FHIT: variants seen among roughly 807,000 people sequenced by gnomAD.
The protein encoded by FHIT is bis(5'-adenosyl)-triphosphatase.
A neutral mutation model predicts 17.9 loss-of-function variants in FHIT; 19 were observed. The ratio of observed to expected loss-of-function variants is 1.06; its 90% CI spans 0.74 to 1.56. FHIT has a LOEUF of 1.56. Among genes scored for constraint, FHIT ranks in the 40% most tolerant of loss-of-function variants. The probability of loss-of-function intolerance (pLI) is 0.00; values close to 1 mark genes in which losing one functional copy is unlikely to be tolerated. For synonymous variants in FHIT, 81 were observed against 69.7 expected (o/e 1.16, Z -0.81); for missense variants, 248 against 189.2 (o/e 1.31, Z -1.82).
At chr3:59,827,790 G>A (rs1330848771) in intron 8 of FHIT, among the ~76,000 whole-genome samples, 5 of 152,126 alleles carry the variant, frequency 3.3e-5, no homozygotes, top group Admixed American at 3.3e-4. Flanking sequence ...TGGTTGTGTA[G>A]GCACAAACAC....
chr3:61,129,558 G>A (rs1386278381), intron 2 of FHIT, among the ~76,000 whole-genome samples: 1 of 152,106 alleles, frequency 6.6e-6, no homozygotes, highest in East Asian at 1.9e-4. Context: ...ACACCCCAGG[G>A]ATCAATTTGG....
At chr3:60,494,977 G>T (rs1226550686) in intron 5 of FHIT, among the ~76,000 whole-genome samples, 1 of 152,054 alleles carries the variant, frequency 6.6e-6, no homozygotes, top group African/African-American at 2.4e-5. Flanking sequence ...ACTTCCTTTG[G>T]GTATATATCC....
In FHIT at chr3:59,752,307, G is replaced by C; in HGVS notation, c.363C>G (p.Asp121Glu). The change falls in exon 9 of 10, where the codon GAC (aspartate) becomes GAG (glutamate). Residue 121 changes from aspartate to glutamate, a missense_variant. Physicochemically the swap from Asp to Glu is conservative, Grantham distance 45 (BLOSUM62 2). Coordinates refer to ENST00000492590, the MANE Select transcript of FHIT (RefSeq NM_002012.4). Reference protein sequence around the residue: ...DSIYEELQKHDKEDFPASWRS... With the variant: ...DSIYEELQKHEKEDFPASWRS... ...TCCAAGAGGCAGGAAAGTCCTCCTT[G>C]TCATGTTTCTGGAGCTTTGGAGAAA... 6.2e-7 allele frequency: 1 copy of C among 1,611,472 alleles called. No individual in the cohort carries two copies. The highest frequency in any genetic ancestry group is 8.5e-7 in the Non-Finnish European group (1 of 1,179,056).
intron 2 of FHIT, among the ~76,000 whole-genome samples, chr3:61,079,215 G>A (rs1026784259): frequency 1.3e-5 from 2 of 152,266 alleles, no homozygotes; most frequent in Non-Finnish European, 2.9e-5. Flanking sequence ...GAGGCTGATG[G>A]CTGAGGCTTT....
intron 5 of FHIT, among the ~76,000 whole-genome samples, chr3:60,300,336 G>A (rs1708404902): frequency 6.6e-6 from 1 of 152,000 alleles, no homozygotes; most frequent in Admixed American, 6.6e-5. Flanking sequence ...ACCAAAAAAA[G>A]TGTAACTGAG....
chr3:60,141,622 G>A (rs1413385143), intron 5 of FHIT, among the ~76,000 whole-genome samples: 1 of 152,134 alleles, frequency 6.6e-6, no homozygotes, highest in Non-Finnish European at 1.5e-5. Context: ...TATTCACTGA[G>A]AATACTTATT....
chr3:60,189,176 T>C (rs1219093063), intron 5 of FHIT, among the ~76,000 whole-genome samples: 2 of 150,924 alleles, frequency 1.3e-5, no homozygotes, highest in African/African-American at 4.9e-5. Flanking sequence ...CTTTTTTCTC[T>C]GACAAGTCAA....
At chr3:59,847,636 G>T (rs908059118) in intron 8 of FHIT, among the ~76,000 whole-genome samples, 1 of 152,034 alleles carries the variant, frequency 6.6e-6, no homozygotes, top group East Asian at 1.9e-4. Flanking sequence ...ATACGTTCCT[G>T]TTGCTCTATA....
rs75802353 is a variant in FHIT at position 60,426,145 on chromosome 3, T to C, written c.103+110715A>G. 6.6e-4 allele frequency among the ~76,000 whole-genome samples: 101 copies of C among 152,288 alleles called. 1 individual carries two copies. Among genetic ancestry groups the C allele is most frequent in the African/African-American group, 2.2e-3 (93 of 41,568 alleles). ...CTCAACTCTACCACTTATAAGCTCA[T>C]TGACCTTGGACTAGTTATGAGTCTT... On this transcript the variant is annotated intron_variant, in intron 5 of 9. Coordinates refer to ENST00000492590, the MANE Select transcript of FHIT (RefSeq NM_002012.4).
At chr3:60,449,352 T>A (rs1461189589) in intron 5 of FHIT, among the ~76,000 whole-genome samples, 2 of 152,088 alleles carry the variant, frequency 1.3e-5, no homozygotes, top group African/African-American at 2.4e-5. Flanking sequence ...AAACTGAAGA[T>A]GATGATGATG....
At chr3:60,368,932 G>A (rs964212783) in intron 5 of FHIT, among the ~76,000 whole-genome samples, 1 of 151,510 alleles carries the variant, frequency 6.6e-6, no homozygotes, top group Non-Finnish European at 1.5e-5. Context: ...CTAGTTGGCT[G>A]TTAACTCCAT....
intron 4 of FHIT, among the ~76,000 whole-genome samples, chr3:60,539,944 A>AAT (rs911093759): frequency 6.7e-5 from 10 of 150,064 alleles, no homozygotes; most frequent in South Asian, 2.1e-4. Context: ...GTATAATAAA[A>AAT]ATATATATAT....
At chr3:61,189,818 A>G (rs1191673627) in intron 2 of FHIT, among the ~76,000 whole-genome samples, 43 of 152,262 alleles carry the variant, frequency 2.8e-4, no homozygotes, top group Non-Finnish European at 5.9e-4. Context: ...AACCTGAGAA[A>G]AACAAGCAAT....
intron 5 of FHIT, among the ~76,000 whole-genome samples, chr3:60,446,889 AT>A (rs1434221598): frequency 1.3e-5 from 2 of 148,536 alleles, no homozygotes; most frequent in African/African-American, 4.9e-5. Flanking sequence ...AATAATAATA[AT>A]AATAATAATA....
chr3:60,635,734 T>C (rs968784769), intron 4 of FHIT, among the ~76,000 whole-genome samples: 3 of 152,154 alleles, frequency 2.0e-5, no homozygotes, highest in Admixed American at 6.5e-5. Flanking sequence ...ATTGGAACTC[T>C]GAGCCCATAC....
rs1283999590 is a variant in FHIT, at chr3:61,129,882, A to T, written c.-164+70735T>A. Among the ~76,000 whole-genome samples the T allele has an allele frequency of 2.0e-5, 3 of 152,216 alleles. No individual in the cohort carries two copies. The South Asian group carries it at 6.2e-4, about 31-fold the overall frequency. On this transcript the variant is annotated intron_variant, in intron 2 of 9. Transcript: ENST00000492590. ...TAATCATTCACTTATCCATTTAATC[A>T]TTCAAAAGAAATTTATATCTTCACT... is the stretch of plus-strand genomic sequence containing the variant.
chr3:60,176,387 G>A (rs1402872866), intron 5 of FHIT, among the ~76,000 whole-genome samples: 1 of 152,068 alleles, frequency 6.6e-6, no homozygotes, highest in African/African-American at 2.4e-5. Context: ...CCACATACTA[G>A]TAGCTACTAT....
chr3:61,197,033 C>A (rs2038871967), intron 2 of FHIT, among the ~76,000 whole-genome samples: 1 of 152,098 alleles, frequency 6.6e-6, no homozygotes, highest in African/African-American at 2.4e-5. Flanking sequence ...ATGTGAATAC[C>A]CAGCACAAGC....
rs750248970 is a variant in FHIT at position 60,346,068 on chromosome 3, C to T, written c.103+190792G>A. Reference sequence around the variant, plus strand: ...TCAATCCCAAGGGCAACTGGTTTAACGTAATAGAGAAAGTCCTGGCTAGGG... The same window carrying T: ...TCAATCCCAAGGGCAACTGGTTTAATGTAATAGAGAAAGTCCTGGCTAGGG... On this transcript the variant is annotated intron_variant, in intron 5 of 9. Coordinates refer to ENST00000492590, the MANE Select transcript of FHIT (RefSeq NM_002012.4). Among the ~76,000 whole-genome samples the T allele has an allele frequency of 4.6e-5, 7 of 152,302 alleles. No individual in the cohort carries two copies. The East Asian group carries it at 5.8e-4, about 13-fold the overall frequency.
Sources: allele counts gnomAD v4.1 joint callset (sites outside exome capture counted in the v4.1 genomes callset), GRCh38; gene constraint gnomAD v4.1.1; transcripts MANE v1.5; gene names NCBI Gene and HGNC (gene_info 2026-07-23, HGNC 2026-07-21).